LRRC37A2: variants seen among roughly 807,000 people sequenced by gnomAD.
LRRC37A2 encodes the protein leucine rich repeat containing 37 member A2, also known as leucine-rich repeat-containing protein 37A2.
Under a neutral mutation model 68.8 loss-of-function variants are expected in LRRC37A2, and 9 were observed. The ratio of observed to expected loss-of-function variants is 0.13; its 90% CI spans 0.08 to 0.23. The LOEUF is 0.23. LRRC37A2 is among the 10% of genes least tolerant of loss of function. The pLI, the probability that LRRC37A2 is intolerant of heterozygous loss-of-function variation, is 1.00. For missense variants in LRRC37A2, 168 were observed against 950.4 expected, an observed-to-expected ratio of 0.18 and a Z score of 10.82; for synonymous variants, 63 against 367.6, an observed-to-expected ratio of 0.17 and a Z score of 9.48.
chr17:46,734,794 C>T, the LRRC37A2 span, among the ~76,000 whole-genome samples: 10 of 152,236 alleles, frequency 6.6e-5, no homozygotes, highest in Non-Finnish European at 1.0e-4. Context: ...TTGTGGCTCA[C>T]GCCTGTAATC....
the LRRC37A2 span, among the ~76,000 whole-genome samples, chr17:47,028,531 C>T: frequency 6.6e-6 from 1 of 152,212 alleles, no homozygotes; most frequent in East Asian, 1.9e-4. Context: ...AAGAGACTTA[C>T]ATAGCTTATA....
the LRRC37A2 span, among the ~76,000 whole-genome samples, chr17:46,754,370 GAGTGGGAGTCCA>G: frequency 2.0e-5 from 3 of 152,020 alleles, no homozygotes; most frequent in Admixed American, 1.3e-4. Context: ...TCCGTGGTTG[GAGTGGGAGTCCA>G]ATTGCACATC....
the LRRC37A2 span, among the ~76,000 whole-genome samples, chr17:46,745,310 T>C: frequency 3.3e-5 from 5 of 152,224 alleles, no homozygotes; most frequent in Non-Finnish European, 1.5e-5. Flanking sequence ...CCCAGCACAA[T>C]TTAATAATTT....
chr17:46,797,256 G>T, the LRRC37A2 span, among the ~76,000 whole-genome samples: 1 of 152,150 alleles, frequency 6.6e-6, no homozygotes, highest in Admixed American at 6.5e-5. Context: ...CACACTATGC[G>T]ATGTCCTACT....
chr17:46,960,362 A>G, the LRRC37A2 span, among the ~76,000 whole-genome samples: 1 of 152,236 alleles, frequency 6.6e-6, no homozygotes, highest in Non-Finnish European at 1.5e-5. Context: ...TCAAGTGCTG[A>G]CGAGGACATA....
At chr17:46,871,067 T>A in the LRRC37A2 span, among the ~76,000 whole-genome samples, 1 of 152,010 alleles carries the variant, frequency 6.6e-6, no homozygotes, top group African/African-American at 2.4e-5. Context: ...TGTGCCACCA[T>A]GCCCACATAA....
the LRRC37A2 span, among the ~76,000 whole-genome samples, chr17:47,024,126 A>G: frequency 1.3e-5 from 2 of 152,190 alleles, no homozygotes; most frequent in African/African-American, 4.8e-5. Flanking sequence ...GGAAGCAGAG[A>G]TAGGAGGATC....
At chr17:46,776,031 A>G in the LRRC37A2 span, among the ~76,000 whole-genome samples, 4 of 152,236 alleles carry the variant, frequency 2.6e-5, no homozygotes, top group Non-Finnish European at 5.9e-5. Context: ...CCCAGCACAA[A>G]GTAGGGTCAT....
At chr17:46,747,814 G>C in the LRRC37A2 span, among the ~76,000 whole-genome samples, 1 of 152,164 alleles carries the variant, frequency 6.6e-6, no homozygotes, top group African/African-American at 2.4e-5. Flanking sequence ...TTCCCAGTGG[G>C]TGATACAGAG....
chr17:46,951,896 C>T, the LRRC37A2 span, among the ~76,000 whole-genome samples: 2 of 152,134 alleles, frequency 1.3e-5, no homozygotes, highest in Non-Finnish European at 2.9e-5. Context: ...CTTCTCCCCC[C>T]CAGACATCAC....
At chr17:46,529,193 A>AG (rs2053275169) in intron 6 of LRRC37A2, among the ~76,000 whole-genome samples, 2 of 134,988 alleles carry the variant, frequency 1.5e-5, no homozygotes, top group African/African-American at 5.3e-5. Flanking sequence ...AAGAATTTGG[A>AG]GGGAAAAAAA....
At chr17:46,751,378 G>T in the LRRC37A2 span, 1 of 695,272 alleles carries the variant, frequency 1.4e-6, no homozygotes, top group South Asian at 1.9e-5. Context: ...TAAAGTAGGA[G>T]AGAATTCTAT....
At chr17:46,996,967 A>T in the LRRC37A2 span, among the ~76,000 whole-genome samples, 2 of 152,130 alleles carry the variant, frequency 1.3e-5, no homozygotes, top group Admixed American at 6.5e-5. Flanking sequence ...ATGAGATAAG[A>T]CTCCAGGTCA....
chr17:46,938,585 C>A, the LRRC37A2 span: 1 of 1,611,736 alleles, frequency 6.2e-7, no homozygotes, highest in Non-Finnish European at 8.5e-7. Flanking sequence ...TTTTTCTGTT[C>A]TCTTCTGCCC....
the LRRC37A2 span, chr17:46,923,592 C>T: frequency 4.7e-6 from 6 of 1,282,272 alleles, no homozygotes; most frequent in East Asian, 5.9e-5. Context: ...GGAGACACGG[C>T]CCCTGGCCGT....
At chr17:46,534,226 T>C (rs2054207480) in intron 6 of LRRC37A2, among the ~76,000 whole-genome samples, 1 of 147,740 alleles carries the variant, frequency 6.8e-6, no homozygotes, top group Non-Finnish European at 1.5e-5. Context: ...TATTGATCAT[T>C]CTTGGGTGTT....
the LRRC37A2 span, among the ~76,000 whole-genome samples, chr17:46,870,235 CACCA>C: frequency 6.6e-6 from 1 of 152,182 alleles, no homozygotes; most frequent in Non-Finnish European, 1.5e-5. Context: ...TCGCCACTCA[CACCA>C]GCCCTCGGTG....
the LRRC37A2 span, among the ~76,000 whole-genome samples, chr17:46,605,272 A>G: frequency 1.4e-5 from 1 of 71,238 alleles, no homozygotes; most frequent in South Asian, 7.1e-4. Flanking sequence ...AACGTGGAGA[A>G]ACCCTGTCTC....
chr17:46,891,017 C>T, the LRRC37A2 span, among the ~76,000 whole-genome samples: 1 of 152,146 alleles, frequency 6.6e-6, no homozygotes, highest in Non-Finnish European at 1.5e-5. Flanking sequence ...AAGCCCTTGC[C>T]TGAGGCTGGA....
Sources: allele counts gnomAD v4.1 joint callset (sites outside exome capture counted in the v4.1 genomes callset), GRCh38; gene constraint gnomAD v4.1.1; transcripts MANE v1.5; gene names NCBI Gene and HGNC (gene_info 2026-07-23, HGNC 2026-07-21).